Variants in PTBP3 observed in about 807,000 individuals in gnomAD.
PTBP3 encodes polypyrimidine tract binding protein 3, also known as polypyrimidine tract-binding protein 3.
A neutral mutation model predicts 58.7 loss-of-function variants in PTBP3; 20 were observed. The ratio of observed to expected loss-of-function variants is 0.34; its 90% CI spans 0.24 to 0.50. The LOEUF is 0.50. Among genes scored for constraint, PTBP3 ranks in the 20% least tolerant of loss-of-function variants. PTBP3 has a pLI of 0.98. For synonymous variants in PTBP3, 185 were observed against 219.8 expected, an observed-to-expected ratio of 0.84 and a Z score of 1.40; for missense variants, 509 against 637.2, an observed-to-expected ratio of 0.80 and a Z score of 2.17.
intron 1 of PTBP3, among the ~76,000 whole-genome samples, chr9:112,327,864 A>G (rs1269230231): frequency 6.6e-6 from 1 of 152,068 alleles, no homozygotes; most frequent in Non-Finnish European, 1.5e-5. Context: ...CTACCTAACT[A>G]GCCATGTGAC....
intron 2 of PTBP3, among the ~76,000 whole-genome samples, chr9:112,292,744 A>G (rs547248485): frequency 6.6e-6 from 1 of 152,342 alleles, no homozygotes; most frequent in Admixed American, 6.5e-5. Flanking sequence ...GGAAACAGAA[A>G]GCAGAATGGG....
At chr9:112,284,878 A>AC (rs1828040890) in intron 2 of PTBP3, among the ~76,000 whole-genome samples, 1 of 152,004 alleles carries the variant, frequency 6.6e-6, no homozygotes, top group Non-Finnish European at 1.5e-5. Flanking sequence ...GAAGTAACTA[A>AC]CTTGCTTTTG....
chr9:112,297,894 G>C lies in PTBP3; in HGVS notation c.-29C>G. The C allele has an allele frequency of 6.2e-6, 10 of 1,612,426 alleles. No homozygotes were observed. Among genetic ancestry groups the C allele is most frequent in the Non-Finnish European group, 8.5e-6 (10 of 1,179,480 alleles). On this transcript the variant is annotated 5_prime_UTR_variant, in exon 2 of 14. Transcript: ENST00000374257. ...AAAAGGTCCGTTAATGATGCCAGAAGAAAGAAGCTCATCAGATCCCCGCTG... is the reference window on the plus strand; with the variant it reads ...AAAAGGTCCGTTAATGATGCCAGAACAAAGAAGCTCATCAGATCCCCGCTG...
chr9:112,316,584 C>G (rs1829712129), intron 1 of PTBP3, among the ~76,000 whole-genome samples: 1 of 152,220 alleles, frequency 6.6e-6, no homozygotes, highest in Admixed American at 6.5e-5. Flanking sequence ...TCCTGACACA[C>G]AGACACTGGC....
At chr9:112,371,419 G>A in the PTBP3 span, among the ~76,000 whole-genome samples, 12,629 of 152,130 alleles carry the variant, frequency 0.083, 1,207 homozygotes, top group African/African-American at 0.23. Context: ...GATTTTTCAC[G>A]TGAACCCCTA....
rs1208059162 is a variant in PTBP3 at position 112,276,465 on chromosome 9, G to GA, written c.35-453_35-452insT. On this transcript the variant is annotated intron_variant, in intron 2 of 13. Coordinates refer to ENST00000374257, the MANE Select transcript of PTBP3 (RefSeq NM_001163788.4). ...TATTTATCACATCCTAAGGAGATAT[G>GA]GATTTGAATTGTATATTTATTAAAA... Among the ~76,000 whole-genome samples the GA allele has an allele frequency of 2.1e-4, 32 of 152,136 alleles. No individual in the cohort carries two copies. The East Asian group carries it at 5.3e-3, about 25-fold the overall frequency.
chr9:112,296,608 G>A (rs1013918285), intron 2 of PTBP3, among the ~76,000 whole-genome samples: 1 of 152,058 alleles, frequency 6.6e-6, no homozygotes, highest in South Asian at 2.1e-4. Flanking sequence ...CATGTCCATG[G>A]CTTCAGTTGT....
At position 112,265,462 on chromosome 9, in the gene PTBP3, G is replaced by T. The variant is rs144887882; in HGVS notation, c.351+2587C>A. ...GGGGTGGGGGATGGGAGCAGAGGTT[G>T]CAGTGAGCCGAGATAGTGCCACTTC... is the stretch of plus-strand genomic sequence containing the variant. On this transcript the variant is annotated intron_variant, in intron 4 of 13. Transcript: ENST00000374257. Among the ~76,000 whole-genome samples, 16 of 151,738 alleles carry T rather than the reference G, an allele frequency of 1.1e-4. No homozygotes were observed. The East Asian group carries it at 3.1e-3, about 30-fold the overall frequency.
intron 1 of PTBP3, among the ~76,000 whole-genome samples, chr9:112,302,582 CTTTT>C (rs369208342): frequency 0.028 from 3,141 of 110,428 alleles, 96 homozygotes; most frequent in African/African-American, 0.081. Flanking sequence ...TATTCTTCAT[CTTTT>C]TTTTTTTTTT....
At chr9:112,350,353 TAAGAA>T in the PTBP3 span, among the ~76,000 whole-genome samples, 1 of 151,994 alleles carries the variant, frequency 6.6e-6, no homozygotes, top group African/African-American at 2.4e-5. Flanking sequence ...AATAAGTAAA[TAAGAA>T]AAAAGATTTT....
At chr9:112,309,042 A>G (rs1484918686) in intron 1 of PTBP3, among the ~76,000 whole-genome samples, 1 of 152,220 alleles carries the variant, frequency 6.6e-6, no homozygotes, top group Admixed American at 6.5e-5. Flanking sequence ...TGTACGGATG[A>G]TTCTGAAAAT....
chr9:112,260,069 G>A (rs1178013501), intron 5 of PTBP3, among the ~76,000 whole-genome samples: 12 of 152,004 alleles, frequency 7.9e-5, no homozygotes, highest in East Asian at 1.9e-4. Context: ...CAGCACACCC[G>A]GCTAATTTTT....
At chr9:112,267,275 CCT>C (rs564841318) in intron 4 of PTBP3, among the ~76,000 whole-genome samples, 52 of 152,210 alleles carry the variant, frequency 3.4e-4, no homozygotes, top group South Asian at 8.3e-4. Context: ...ACGCCATTCC[CCT>C]GTCTCAGCCT....
chr9:112,333,104 A>C, intron 1 of PTBP3: 1 of 1,254,006 alleles, frequency 8.0e-7, no homozygotes, highest in Non-Finnish European at 1.0e-6. Flanking sequence ...GCCGCGCACC[A>C]TTTTCTGAGA....
At chr9:112,263,907 T>C (rs890486459) in intron 4 of PTBP3, among the ~76,000 whole-genome samples, 3 of 152,150 alleles carry the variant, frequency 2.0e-5, no homozygotes, top group Non-Finnish European at 4.4e-5. Flanking sequence ...TGGAAACTTT[T>C]TTCTAAGTTT....
intron 1 of PTBP3, among the ~76,000 whole-genome samples, chr9:112,314,855 G>A (rs753517566): frequency 9.1e-5 from 13 of 142,870 alleles, no homozygotes; most frequent in Non-Finnish European, 1.8e-4. Flanking sequence ...TTTTTGAGAC[G>A]GACTCTTGCT....
chr9:112,368,141 T>C, the PTBP3 span, among the ~76,000 whole-genome samples: 1 of 152,146 alleles, frequency 6.6e-6, no homozygotes, highest in East Asian at 1.9e-4. Flanking sequence ...ACTACAGGCA[T>C]GCACCACCAT....
At position 112,235,883 on chromosome 9, in the gene PTBP3, C is replaced by T. The variant is rs536813234; in HGVS notation, c.803-986G>A. Among the ~76,000 whole-genome samples, 12 of 151,878 alleles carry T rather than the reference C, an allele frequency of 7.9e-5. 1 individual carries two copies. The South Asian group carries it at 2.3e-3, about 29-fold the overall frequency. ...ACTAGCCCTAGAAACAGGAAAGAAACAAGGAATTATAGTACCTCAGAATCT... is the reference window on the plus strand; with the variant it reads ...ACTAGCCCTAGAAACAGGAAAGAAATAAGGAATTATAGTACCTCAGAATCT... On this transcript the variant is annotated intron_variant, in intron 7 of 13. Coordinates refer to ENST00000374257, the MANE Select transcript of PTBP3 (RefSeq NM_001163788.4).
At chr9:112,291,091 G>A (rs7863635) in intron 2 of PTBP3, among the ~76,000 whole-genome samples, 4 of 151,848 alleles carry the variant, frequency 2.6e-5, no homozygotes, top group South Asian at 4.2e-4. Flanking sequence ...GCATGGTGGC[G>A]GGCGCCTGTA....
Sources: allele counts gnomAD v4.1 joint callset (sites outside exome capture counted in the v4.1 genomes callset), GRCh38; gene constraint gnomAD v4.1.1; transcripts MANE v1.5; gene names NCBI Gene and HGNC (gene_info 2026-07-23, HGNC 2026-07-21).